Variants in NPAS3 observed in about 807,000 individuals in gnomAD.
NPAS3 encodes the protein neuronal PAS domain protein 3.
In NPAS3, 14 loss-of-function variants were observed where a neutral mutation model predicts 73.1. That is an observed-to-expected ratio of 0.19 (90% CI 0.13 to 0.30). NPAS3 has a LOEUF of 0.30. Ranked by LOEUF, NPAS3 falls within the 10% of genes least tolerant of loss-of-function variation. The pLI, the probability that NPAS3 is intolerant of heterozygous loss-of-function variation, is 1.00. For missense variants in NPAS3, 1,096 were observed against 1,250.0 expected (o/e 0.88, Z 1.86); for synonymous variants, 620 against 541.5 (o/e 1.14, Z -2.01).
chr14:33,524,367 G>T (rs1006237285), intron 4 of NPAS3, among the ~76,000 whole-genome samples: 2 of 152,088 alleles, frequency 1.3e-5, no homozygotes, highest in South Asian at 2.1e-4. Context: ...CCTTCAAAAA[G>T]TCCCTCTCTA....
intron 4 of NPAS3, among the ~76,000 whole-genome samples, chr14:33,379,401 A>C (rs932170743): frequency 3.7e-4 from 57 of 152,288 alleles, no homozygotes; most frequent in African/African-American, 1.3e-3. Context: ...TAATAGTAAA[A>C]ACTTTCTTAT....
At chr14:33,761,416 A>G (rs1317516853) in intron 7 of NPAS3, among the ~76,000 whole-genome samples, 2 of 152,212 alleles carry the variant, frequency 1.3e-5, no homozygotes, top group African/African-American at 4.8e-5. Flanking sequence ...GTGCACTTCA[A>G]GAGCCATATG....
intron 4 of NPAS3, among the ~76,000 whole-genome samples, chr14:33,461,380 GAT>G (rs2050257899): frequency 6.6e-6 from 1 of 152,190 alleles, no homozygotes; most frequent in African/African-American, 2.4e-5. Flanking sequence ...ATTTCAATAA[GAT>G]AGTTTTATCC....
At chr14:32,958,471 C>G (rs1191320917) in intron 1 of NPAS3, among the ~76,000 whole-genome samples, 2 of 152,196 alleles carry the variant, frequency 1.3e-5, no homozygotes, top group Non-Finnish European at 2.9e-5. Flanking sequence ...TGATGCCATG[C>G]TTTTCTGGTA....
At chr14:33,391,423 C>T (rs1299993980) in intron 4 of NPAS3, among the ~76,000 whole-genome samples, 6 of 152,052 alleles carry the variant, frequency 3.9e-5, no homozygotes, top group Non-Finnish European at 7.4e-5. Context: ...GAACTCCCTA[C>T]CTCAGGTGAT....
intron 1 of NPAS3, among the ~76,000 whole-genome samples, chr14:32,958,902 C>T (rs2036790597): frequency 6.6e-6 from 1 of 152,126 alleles, no homozygotes. Context: ...TTTTGCTCTG[C>T]CAAACTATAA....
intron 5 of NPAS3, among the ~76,000 whole-genome samples, chr14:33,585,037 T>C (rs1003546872): frequency 5.3e-5 from 8 of 151,772 alleles, no homozygotes; most frequent in East Asian, 1.9e-4. Flanking sequence ...AGCATTGAGC[T>C]AGGGCAGCAG....
chr14:33,024,964 A>G (rs2039750052), intron 1 of NPAS3, among the ~76,000 whole-genome samples: 1 of 152,236 alleles, frequency 6.6e-6, no homozygotes, highest in African/African-American at 2.4e-5. Flanking sequence ...AATACATCCT[A>G]TAGCTATGCT....
At chr14:33,439,886 C>T (rs544922256) in intron 4 of NPAS3, among the ~76,000 whole-genome samples, 9 of 152,128 alleles carry the variant, frequency 5.9e-5, no homozygotes, top group South Asian at 4.1e-4. Context: ...GAGGCCGAGG[C>T]GGGTGCATCA....
At chr14:32,935,175 T>C (rs1360207578), upstream of NPAS3, among the ~76,000 whole-genome samples, 1 of 152,192 alleles carries the variant, frequency 6.6e-6, no homozygotes, top group East Asian at 1.9e-4. Flanking sequence ...TTTGGTGGAT[T>C]GAAAAGCACT....
intron 4 of NPAS3, among the ~76,000 whole-genome samples, chr14:33,530,281 C>T (rs990371276): frequency 6.6e-6 from 1 of 152,068 alleles, no homozygotes; most frequent in African/African-American, 2.4e-5. Context: ...GTAAACAGAT[C>T]AGCAATCACA....
rs533497538 is a variant in NPAS3 at position 33,025,951 on chromosome 14, A to G, written c.51-29954A>G. 2.0e-5 allele frequency among the ~76,000 whole-genome samples: 3 copies of G among 152,328 alleles called. No individual in the cohort carries two copies. The South Asian group carries it at 6.2e-4, about 32-fold the overall frequency. On this transcript the variant is annotated intron_variant, in intron 1 of 11. Coordinates refer to ENST00000356141, the Ensembl canonical transcript of NPAS3. Reference sequence around the variant, plus strand: ...CTAATACAGTTGCCAAGTAGGTTCCATAGGGAATTGTCAAAATATTGAAAA... The same window carrying G: ...CTAATACAGTTGCCAAGTAGGTTCCGTAGGGAATTGTCAAAATATTGAAAA...
At chr14:33,595,625 G>C (rs1012404928) in intron 5 of NPAS3, among the ~76,000 whole-genome samples, 11 of 152,168 alleles carry the variant, frequency 7.2e-5, no homozygotes, top group African/African-American at 2.4e-4. Flanking sequence ...AAAAGGTAAG[G>C]AGGGAAAAGA....
chr14:33,446,685 A>G (rs1484335955), intron 4 of NPAS3, among the ~76,000 whole-genome samples: 3 of 152,104 alleles, frequency 2.0e-5, no homozygotes, highest in African/African-American at 7.2e-5. Flanking sequence ...TAACTGCGTA[A>G]TTCTATTCTA....
At chr14:33,500,427 C>T (rs1468560755) in intron 4 of NPAS3, among the ~76,000 whole-genome samples, 1 of 151,832 alleles carries the variant, frequency 6.6e-6, no homozygotes, top group Non-Finnish European at 1.5e-5. Context: ...CAAGTCCGAT[C>T]AGTGCAGCGG....
chr14:33,172,553 T>C (rs2045431087), intron 2 of NPAS3, among the ~76,000 whole-genome samples: 1 of 152,052 alleles, frequency 6.6e-6, no homozygotes, highest in African/African-American at 2.4e-5. Context: ...CTGGGCAACA[T>C]GGTGAAAACC....
intron 3 of NPAS3, among the ~76,000 whole-genome samples, chr14:33,313,008 T>C (rs2043065757): frequency 6.6e-6 from 1 of 152,024 alleles, no homozygotes; most frequent in Non-Finnish European, 1.5e-5. Flanking sequence ...TTATGGAACT[T>C]GCTTTTCCTG....
chr14:33,506,250 TAGAAC>T (rs1235249370), intron 4 of NPAS3, among the ~76,000 whole-genome samples: 1 of 152,024 alleles, frequency 6.6e-6, no homozygotes, highest in Non-Finnish European at 1.5e-5. Context: ...TAAACAATCT[TAGAAC>T]AGAGCCTGGC....
chr14:33,436,692 A>G (rs934490091), intron 4 of NPAS3, among the ~76,000 whole-genome samples: 2 of 152,182 alleles, frequency 1.3e-5, no homozygotes, highest in African/African-American at 4.8e-5. Flanking sequence ...GTGTATTTTC[A>G]TCCAATTTAC....
Sources: gnomAD v4.1 joint callset for allele counts (sites outside exome capture counted in the v4.1 genomes callset) on GRCh38, gnomAD v4.1.1 for gene constraint, MANE v1.5 for transcripts, NCBI Gene and HGNC (gene_info 2026-07-23, HGNC 2026-07-21) for gene names.